Variants in CLASP1 observed in about 807,000 individuals in gnomAD.
The protein encoded by CLASP1 is CLIP-associating protein 1.
CLASP1 carries 38 observed loss-of-function variants against 192.3 expected under a neutral mutation model. That is an observed-to-expected ratio of 0.20 (90% CI 0.15 to 0.26). The LOEUF (loss-of-function observed/expected upper bound fraction) is 0.26, where lower values mean the gene tolerates loss of function less well. Ranked by LOEUF, CLASP1 falls within the 10% of genes least tolerant of loss-of-function variation. The probability of loss-of-function intolerance (pLI) is 1.00; values close to 1 mark genes in which losing one functional copy is unlikely to be tolerated. For missense variants in CLASP1, 1,433 were observed against 1,932.5 expected, an observed-to-expected ratio of 0.74 and a Z score of 4.85; for synonymous variants, 691 against 712.8, an observed-to-expected ratio of 0.97 and a Z score of 0.49.
intron 19 of CLASP1, among the ~76,000 whole-genome samples, chr2:121,444,056 G>A (rs1041736682): frequency 1.3e-5 from 2 of 152,146 alleles, no homozygotes; most frequent in Admixed American, 1.3e-4. Flanking sequence ...AGGCAGAGAA[G>A]GTTCCTCTAA....
exon 38 of CLASP1, chr2:121,348,716 C>G: frequency 3.8e-6 from 6 of 1,596,092 alleles, no homozygotes; most frequent in Non-Finnish European, 4.3e-6. Flanking sequence ...CCGCTCTCAC[C>G]ACCTGAAACA....
At chr2:121,396,027 C>T (rs1428914440) in intron 30 of CLASP1, among the ~76,000 whole-genome samples, 1 of 152,146 alleles carries the variant, frequency 6.6e-6, no homozygotes, top group African/African-American at 2.4e-5. Context: ...TGAAAGGAAC[C>T]CCAATCGAAA....
intron 2 of CLASP1, among the ~76,000 whole-genome samples, chr2:121,548,012 C>T (rs1156242448): frequency 6.6e-6 from 1 of 152,174 alleles, no homozygotes; most frequent in Non-Finnish European, 1.5e-5. Context: ...CAGTAACTGT[C>T]ATATGTCTCC....
At chr2:121,605,929 G>T in exon 2 of CLASP1, 1 of 1,603,588 alleles carries the variant, frequency 6.2e-7, no homozygotes, top group Non-Finnish European at 8.5e-7. Context: ...GCAAAAGCTA[G>T]AGGGCAGTCA....
At chr2:121,459,306 G>C (rs1183529561) in intron 12 of CLASP1, among the ~76,000 whole-genome samples, 1 of 151,950 alleles carries the variant, frequency 6.6e-6, no homozygotes, top group Admixed American at 6.6e-5. Flanking sequence ...GGGACTCCAG[G>C]CACATACCAG....
At position 121,460,135 on chromosome 2, in the gene CLASP1, T is replaced by C. The variant is rs1457624045; in HGVS notation, c.1033-10A>G. 1 of 1,602,532 alleles carries C rather than the reference T, an allele frequency of 6.2e-7. No homozygotes were observed. The highest frequency in any genetic ancestry group is 1.1e-5 in the South Asian group (1 of 90,026). On this transcript the variant is annotated splice_polypyrimidine_tract_variant and intron_variant, in intron 11 of 39. Coordinates refer to ENST00000263710, the Ensembl canonical transcript of CLASP1. ...ATCTAATCTTTTTTAGCTAATGGAATAGAGAAAATTCAGAAAAATAGAAAA... is the reference window on the plus strand; with the variant it reads ...ATCTAATCTTTTTTAGCTAATGGAACAGAGAAAATTCAGAAAAATAGAAAA...
intron 1 of CLASP1, among the ~76,000 whole-genome samples, chr2:121,632,474 A>C (rs2069877461): frequency 6.6e-6 from 1 of 152,196 alleles, no homozygotes; most frequent in African/African-American, 2.4e-5. Context: ...TCATCAATAG[A>C]GGACTCAGGA....
chr2:121,444,748 GGGAA>G, intron 19 of CLASP1, among the ~76,000 whole-genome samples: 1 of 152,148 alleles, frequency 6.6e-6, no homozygotes, highest in East Asian at 1.9e-4. Flanking sequence ...GAACAAGAAA[GGGAA>G]GGAGAACTCA....
intron 37 of CLASP1, among the ~76,000 whole-genome samples, chr2:121,356,975 T>C (rs1426875675): frequency 6.6e-6 from 1 of 152,130 alleles, no homozygotes. Context: ...TGGGCTGGCC[T>C]CTCAGGAGGT....
chr2:121,522,029 C>A (rs1192274044), intron 6 of CLASP1, among the ~76,000 whole-genome samples: 1 of 152,002 alleles, frequency 6.6e-6, no homozygotes, highest in African/African-American at 2.4e-5. Flanking sequence ...CACAAGAACC[C>A]CAGAAGCAGG....
intron 19 of CLASP1, among the ~76,000 whole-genome samples, chr2:121,433,593 A>G (rs1477688468): frequency 6.6e-6 from 1 of 152,076 alleles, no homozygotes; most frequent in Non-Finnish European, 1.5e-5. Flanking sequence ...CATCTCTAAT[A>G]AAAATACAAA....
chr2:121,625,602 T>C (rs948071559), intron 1 of CLASP1, among the ~76,000 whole-genome samples: 2 of 151,814 alleles, frequency 1.3e-5, no homozygotes, highest in African/African-American at 4.8e-5. Context: ...TCCCAGTTAA[T>C]TTTTGTATTT....
At chr2:121,462,373 T>C (rs1028513012) in intron 10 of CLASP1, among the ~76,000 whole-genome samples, 159 bp downstream of exon 10, 2 of 152,200 alleles carry the variant, frequency 1.3e-5, no homozygotes, top group African/African-American at 2.4e-5. Context: ...CCTTGACTTT[T>C]GCTCCAACAT....
rs535970493 is a variant in CLASP1 at position 121,509,190 on chromosome 2, T to C, written c.645-5956A>G. Reference sequence around the variant, plus strand: ...CAATATTAGAATACAGATTCTTCTTTTTTAAGACAGGGTCTCTCTCTGTCA... The same window carrying C: ...CAATATTAGAATACAGATTCTTCTTCTTTAAGACAGGGTCTCTCTCTGTCA... On this transcript the variant is annotated intron_variant, in intron 7 of 39. Transcript: ENST00000263710. Among the ~76,000 whole-genome samples, 6 of 152,304 alleles carry C rather than the reference T, an allele frequency of 3.9e-5. No homozygotes were observed. The South Asian group carries it at 1.2e-3, about 32-fold the overall frequency.
chr2:121,532,060 T>G (rs1421674178), intron 2 of CLASP1, among the ~76,000 whole-genome samples: 5 of 152,172 alleles, frequency 3.3e-5, no homozygotes, highest in Admixed American at 3.3e-4. Context: ...TAGGATTTCT[T>G]GTATACAGCC....
intron 1 of CLASP1, among the ~76,000 whole-genome samples, chr2:121,607,643 T>C (rs1382311244): frequency 6.6e-6 from 1 of 152,198 alleles, no homozygotes; most frequent in Non-Finnish European, 1.5e-5. Context: ...AGGAAACCTA[T>C]CTTCAAGATT....
chr2:121,571,968 C>CA (rs562311464), intron 2 of CLASP1, among the ~76,000 whole-genome samples: 94 of 125,680 alleles, frequency 7.5e-4, no homozygotes, highest in East Asian at 1.6e-3. Context: ...GTACTGATTA[C>CA]AAAAAAAAAA....
chr2:121,574,191 G>A (rs919814264), intron 2 of CLASP1, among the ~76,000 whole-genome samples: 1 of 152,140 alleles, frequency 6.6e-6, no homozygotes, highest in Non-Finnish European at 1.5e-5. Context: ...AGCTGGGTGT[G>A]TTGGCGGGTG....
intron 2 of CLASP1, among the ~76,000 whole-genome samples, chr2:121,570,455 A>C (rs1330931360): frequency 6.6e-6 from 1 of 152,272 alleles, no homozygotes. Context: ...TTTCAGCAAC[A>C]TGGTAGACTC....
Sources: gnomAD v4.1 joint callset for allele counts (sites outside exome capture counted in the v4.1 genomes callset) on GRCh38, gnomAD v4.1.1 for gene constraint, MANE v1.5 for transcripts, NCBI Gene and HGNC (gene_info 2026-07-23, HGNC 2026-07-21) for gene names.